PDZRN4: variants seen among roughly 807,000 people sequenced by gnomAD.
PDZRN4 encodes the protein PDZ domain containing ring finger 4, also known as PDZ domain-containing RING finger protein 4.
Under a neutral mutation model 99.0 loss-of-function variants are expected in PDZRN4, and 70 were observed. That is an observed-to-expected ratio of 0.71 (90% CI 0.58 to 0.86). The LOEUF is 0.86. Ranked by LOEUF, PDZRN4 falls within the 40% of genes least tolerant of loss-of-function variation. The pLI, the probability that PDZRN4 is intolerant of heterozygous loss-of-function variation, is 0.00. For missense variants in PDZRN4, 1,474 were observed against 1,331.2 expected (o/e 1.11, Z -1.67); for synonymous variants, 551 against 501.6 (o/e 1.10, Z -1.32).
intron 3 of PDZRN4, chr12:41,409,819 T>G (rs1182899021): frequency 6.6e-6 from 1 of 152,148 alleles, no homozygotes; most frequent in African/African-American, 2.4e-5. Flanking sequence ...GGGAGGAACT[T>G]CTCCTGCTTC....
chr12:41,288,210 C>G (rs1024381182), intron 3 of PDZRN4, among the ~76,000 whole-genome samples: 9 of 152,150 alleles, frequency 5.9e-5, no homozygotes, highest in African/African-American at 1.7e-4. Context: ...AGCCTCTCCC[C>G]TGGACTGCTG....
chr12:41,381,521 C>G (rs1952126437), intron 3 of PDZRN4, among the ~76,000 whole-genome samples: 2 of 152,068 alleles, frequency 1.3e-5, no homozygotes, highest in South Asian at 4.1e-4. Flanking sequence ...TATCATGGGT[C>G]TCTATTCAAA....
chr12:41,240,394 T>C (rs1281066643), intron 3 of PDZRN4, among the ~76,000 whole-genome samples: 1 of 152,166 alleles, frequency 6.6e-6, no homozygotes, highest in East Asian at 1.9e-4. Flanking sequence ...TTCAGCATCA[T>C]ACTAAAAAGT....
chr12:41,277,812 G>A (rs556462860), intron 3 of PDZRN4, among the ~76,000 whole-genome samples: 31 of 152,308 alleles, frequency 2.0e-4, no homozygotes, highest in African/African-American at 6.0e-4. Flanking sequence ...TGGTAGATTA[G>A]CAGCTATAAA....
intron 3 of PDZRN4, among the ~76,000 whole-genome samples, chr12:41,456,641 A>G (rs2120519585): frequency 6.6e-6 from 1 of 152,346 alleles, no homozygotes; most frequent in South Asian, 2.1e-4. Context: ...GAATGAATGA[A>G]GACATACTGC....
chr12:41,188,589 G>C lies in PDZRN4; in HGVS notation c.134G>C (p.Trp45Ser). Reference protein sequence around the residue: ...HVFCASCLLPWAVRRRRCPLQ... With the variant: ...HVFCASCLLPSAVRRRRCPLQ... ...TTCTGCGCCAGCTGCCTGTTGCCCT[G>C]GGCGGTGCGGAGGCGCCGGTGCCCG... The change falls in exon 1 of 10, where the codon TGG (tryptophan) becomes TCG (serine). Residue 45 changes from tryptophan to serine, a missense_variant. Transcript: ENST00000402685. 3 of 1,542,648 alleles carry C rather than the reference G, an allele frequency of 1.9e-6. No homozygotes were observed. The highest frequency in any genetic ancestry group is 1.4e-5 in the African/African-American group (1 of 73,400).
chr12:41,293,494 T>C (rs17129216), intron 3 of PDZRN4, among the ~76,000 whole-genome samples: 19,986 of 151,718 alleles, frequency 0.13, 1,727 homozygotes, highest in African/African-American at 0.25. Context: ...CAACTCTCTC[T>C]GCCAGTATTA....
intron 3 of PDZRN4, among the ~76,000 whole-genome samples, chr12:41,210,821 C>A (rs546947296): frequency 6.6e-6 from 1 of 151,994 alleles, no homozygotes; most frequent in African/African-American, 2.4e-5. Context: ...TTTAAAACCC[C>A]AGAATTGCAG....
At position 41,272,907 on chromosome 12, in the gene PDZRN4, G is replaced by C. The variant is rs535616932; in HGVS notation, c.843+78719G>C. Among the ~76,000 whole-genome samples the C allele has an allele frequency of 2.3e-4, 35 of 151,958 alleles. No homozygotes were observed. In the South Asian group the frequency reaches 5.0e-3, roughly 22 times the overall value. On this transcript the variant is annotated intron_variant, in intron 3 of 9. Coordinates refer to ENST00000402685, the MANE Select transcript of PDZRN4 (RefSeq NM_001164595.2). ...GGAGAACAGCAAAATAGATGCTGTT[G>C]GTTGTAACTCTGAATTTCCAGAAGT... is the stretch of plus-strand genomic sequence containing the variant.
Position 41,188,447 on chromosome 12 carries a change from A to T in PDZRN4, c.-9A>T. The T allele has an allele frequency of 6.4e-7, 1 of 1,571,776 alleles. No individual in the cohort carries two copies. The highest frequency in any genetic ancestry group is 8.6e-7 in the Non-Finnish European group (1 of 1,166,156). On this transcript the variant is annotated 5_prime_UTR_variant, in exon 1 of 10. Transcript: ENST00000402685. ...TGCTTTCGCTCCCCCTTTCTTCCCC[A>T]TCCCTAACATGGGCTTTGCCCTGGA... is the stretch of plus-strand genomic sequence containing the variant.
intron 3 of PDZRN4, among the ~76,000 whole-genome samples, chr12:41,326,650 C>A (rs1197825552): frequency 2.0e-5 from 3 of 152,114 alleles, no homozygotes; most frequent in East Asian, 1.9e-4. Flanking sequence ...TGGTTATTAG[C>A]ATCAAGCATA....
intron 8 of PDZRN4, among the ~76,000 whole-genome samples, chr12:41,564,132 G>A (rs910417546): frequency 4.6e-5 from 7 of 152,152 alleles, no homozygotes; most frequent in Admixed American, 2.0e-4. Flanking sequence ...GAAGCTCCAC[G>A]AGAGAAACAC....
At chr12:41,207,571 A>G (rs529436894) in intron 3 of PDZRN4, among the ~76,000 whole-genome samples, 1 of 151,922 alleles carries the variant, frequency 6.6e-6, no homozygotes, top group Non-Finnish European at 1.5e-5. Context: ...CTCACAAAAT[A>G]TATCTCAACA....
intron 3 of PDZRN4, among the ~76,000 whole-genome samples, chr12:41,453,712 A>T (rs1294445372): frequency 2.6e-5 from 4 of 152,122 alleles, no homozygotes; most frequent in African/African-American, 4.8e-5. Context: ...GTACCCATTA[A>T]AATTGATGGG....
At chr12:41,536,733 C>A (rs1938754091) in intron 5 of PDZRN4, among the ~76,000 whole-genome samples, 1 of 144,836 alleles carries the variant, frequency 6.9e-6, no homozygotes, top group African/African-American at 2.6e-5. Flanking sequence ...CTTAAAACTG[C>A]CTGAAAAAAA....
intron 5 of PDZRN4, among the ~76,000 whole-genome samples, chr12:41,520,263 C>T (rs285570): frequency 0.23 from 34,987 of 152,028 alleles, 5,659 homozygotes; most frequent in African/African-American, 0.46. Flanking sequence ...GGCCTCTGCC[C>T]TCTCTTCCAT....
intron 3 of PDZRN4, among the ~76,000 whole-genome samples, chr12:41,272,205 T>C (rs1041395229): frequency 4.6e-5 from 7 of 152,032 alleles, no homozygotes. Context: ...TTTAAGAACA[T>C]AAAATTCATA....
chr12:41,196,991 G>A lies in PDZRN4; in HGVS notation c.843+2803G>A, dbSNP rs182005056. Among the ~76,000 whole-genome samples, 153 of 151,828 alleles carry A rather than the reference G, an allele frequency of 1.0e-3. 1 individual carries two copies. The highest frequency in any genetic ancestry group is 2.0e-3 in the Admixed American group (30 of 15,244). On this transcript the variant is annotated intron_variant, in intron 3 of 9. Transcript: ENST00000402685. Reference sequence around the variant, plus strand: ...TAGTTCATATATTATAAAATTATCCGTATGACTTATGCACAATCTGACACA... The same window carrying A: ...TAGTTCATATATTATAAAATTATCCATATGACTTATGCACAATCTGACACA...
intron 3 of PDZRN4, among the ~76,000 whole-genome samples, chr12:41,420,217 A>G (rs765062010): frequency 1.3e-5 from 2 of 152,078 alleles, no homozygotes; most frequent in Non-Finnish European, 2.9e-5. Flanking sequence ...TCTTCCTTCA[A>G]TCAGTACCTA....
Sources: gnomAD v4.1 joint callset for allele counts (sites outside exome capture counted in the v4.1 genomes callset) on GRCh38, gnomAD v4.1.1 for gene constraint, MANE v1.5 for transcripts, NCBI Gene and HGNC (gene_info 2026-07-23, HGNC 2026-07-21) for gene names.